Variants in MTO1 observed in about 807,000 individuals in gnomAD.
MTO1 encodes the protein mitochondrial tRNA translation optimization 1.
MTO1 carries 46 observed loss-of-function variants against 71.6 expected under a neutral mutation model. The ratio of observed to expected loss-of-function variants is 0.64; its 90% CI spans 0.51 to 0.82. MTO1 has a LOEUF of 0.82. Ranked by LOEUF, MTO1 falls within the 40% of genes least tolerant of loss-of-function variation. The pLI, the probability that MTO1 is intolerant of heterozygous loss-of-function variation, is 0.00. For missense variants in MTO1, 773 were observed against 867.5 expected, an observed-to-expected ratio of 0.89 and a Z score of 1.37; for synonymous variants, 297 against 312.1, an observed-to-expected ratio of 0.95 and a Z score of 0.51.
At position 73,503,558 on chromosome 6, in the gene MTO1, A is replaced by C. The variant is rs1001858600; in HGVS notation, c.*2823A>C. ...CTAGGAAGAAATCAGCTAAAAATGTAACCTTACTCAATGTAGTTACTTCAT... is the reference window on the plus strand; with the variant it reads ...CTAGGAAGAAATCAGCTAAAAATGTCACCTTACTCAATGTAGTTACTTCAT... On this transcript the variant is annotated 3_prime_UTR_variant, in exon 12 of 12. Transcript: ENST00000498286. 1 of 152,234 alleles carries C rather than the reference A, an allele frequency of 6.6e-6. No homozygotes were observed. Among genetic ancestry groups the C allele is most frequent in the African/African-American group, 2.4e-5 (1 of 41,454 alleles). 9.4% of individuals were successfully genotyped at this position (152,234 alleles called of 1,614,324 possible).
chr6:73,500,576 C>G lies in MTO1; in HGVS notation c.1920C>G (p.Ile640Met), dbSNP rs201198672. 6.5e-5 allele frequency: 104 copies of G among 1,609,086 alleles called. No homozygotes were observed. Among genetic ancestry groups the G allele is most frequent in the Non-Finnish European group, 5.6e-5 (66 of 1,178,318 alleles). ...TCTCTTGTGGTATTGATTTTTAGAT[C>G]GGGGCTGCTAGTCGCATACCCGGAG... ...EKLHFSRPQT[I>M]GAASRIPGVT... Residue 640 changes from isoleucine (I) to methionine (M), a missense_variant and splice_region_variant, in exon 12 of 12, where the codon ATC becomes ATG. Transcript: ENST00000498286.
chr6:73,469,536 C>G (rs373915339), intron 3 of MTO1, among the ~76,000 whole-genome samples: 2 of 152,230 alleles, frequency 1.3e-5, no homozygotes, highest in African/African-American at 4.8e-5. Flanking sequence ...GCAAGAGAAT[C>G]GCTTGAACCC....
In MTO1 at chr6:73,480,739, G is replaced by A. The variant is rs772209676; in HGVS notation, c.1194G>A (p.Leu398=). The A allele has an allele frequency of 1.2e-6, 2 of 1,613,912 alleles. No individual in the cohort carries two copies. The highest frequency in any genetic ancestry group is 1.7e-6 in the Non-Finnish European group (2 of 1,179,922). Residue 398 remains leucine, a synonymous_variant, in exon 7 of 12, where the codon TTG becomes TTA. Coordinates refer to ENST00000498286, the MANE Select transcript of MTO1 (RefSeq NM_012123.4). ...RQITPSLETH[L]VQRLFFAGQI... ...TCACCCCTTCCTTGGAGACTCATTT[G>A]GTTCAACGACTCTTCTTTGCTGGAC...
chr6:73,480,831 A>G, intron 7 of MTO1, 26 bp downstream of exon 7: 1 of 1,609,792 alleles, frequency 6.2e-7, no homozygotes, highest in Non-Finnish European at 8.5e-7. Context: ...ATTAATGTAA[A>G]CTGAAAGGGA....
In MTO1 at chr6:73,497,856, A is replaced by G. The variant is rs1368525535; in HGVS notation, c.1877A>G (p.His626Arg). The G allele has an allele frequency of 1.2e-6, 2 of 1,613,204 alleles. No homozygotes were observed. The highest frequency in any genetic ancestry group is 1.7e-6 in the Non-Finnish European group (2 of 1,179,460). Residue 626 changes from histidine to arginine, a missense_variant, in exon 11 of 12, where the codon CAT (histidine) becomes CGT (arginine). By Grantham distance (29) the His-to-Arg change is conservative (BLOSUM62 0). Coordinates refer to ENST00000498286, the MANE Select transcript of MTO1 (RefSeq NM_012123.4). ...ACTATCAGGGATGTGTCTTTGTCCC[A>G]TGAAGTTCGAGAGAAACTACATTTT... is the stretch of plus-strand genomic sequence containing the variant. ...YLTIRDVSLS[H>R]EVREKLHFSR... is the part of the protein sequence containing the mutation.
At chr6:73,493,345 T>C (rs1771876783) in intron 10 of MTO1, among the ~76,000 whole-genome samples, 1 of 111,512 alleles carries the variant, frequency 9.0e-6, no homozygotes. Flanking sequence ...TTATTTGAAA[T>C]GTGCATGTAT....
At chr6:73,490,349 C>G (rs1249074722) in intron 9 of MTO1, among the ~76,000 whole-genome samples, 2 of 152,152 alleles carry the variant, frequency 1.3e-5, no homozygotes, top group African/African-American at 4.8e-5. Context: ...GTGTTTTATT[C>G]ATGAAGTCCT....
At chr6:73,470,628 A>G (rs1009837885) in intron 3 of MTO1, among the ~76,000 whole-genome samples, 1 of 152,186 alleles carries the variant, frequency 6.6e-6, no homozygotes, top group Non-Finnish European at 1.5e-5. Context: ...TACAAAAAGC[A>G]TATAGAGTGA....
chr6:73,462,237 G>C, intron 1 of MTO1, 166 bp downstream of exon 1: 3 of 708,926 alleles, frequency 4.2e-6, no homozygotes, highest in Non-Finnish European at 7.0e-6. Context: ...AGGCGGGCCA[G>C]GCCAGAACTC....
intron 9 of MTO1, among the ~76,000 whole-genome samples, chr6:73,484,353 A>G (rs539292486): frequency 6.6e-6 from 1 of 152,292 alleles, no homozygotes; most frequent in African/African-American, 2.4e-5. Flanking sequence ...AGATCAAGGC[A>G]CCAGCAGATT....
intron 3 of MTO1, among the ~76,000 whole-genome samples, chr6:73,472,823 CTAAATA>C (rs996752774): frequency 1.2e-4 from 19 of 152,058 alleles, no homozygotes; most frequent in African/African-American, 4.1e-4. Flanking sequence ...GTTGCATACT[CTAAATA>C]TATACAGTTT....
At chr6:73,464,261 T>C (rs1243674065) in intron 1 of MTO1, 1 of 152,106 alleles carries the variant, frequency 6.6e-6, no homozygotes, top group Non-Finnish European at 1.5e-5. Flanking sequence ...CCAGGAGTCT[T>C]CTATTTCAAA....
At chr6:73,471,346 ACTTT>A (rs1163993023) in intron 3 of MTO1, 24 of 375,778 alleles carry the variant, frequency 6.4e-5, no homozygotes, top group Middle Eastern at 6.5e-4. Flanking sequence ...TTCTCCCCCG[ACTTT>A]CTTTATTTTC....
At chr6:73,469,649 A>T (rs1004984356) in intron 3 of MTO1, among the ~76,000 whole-genome samples, 1 of 26,838 alleles carries the variant, frequency 3.7e-5, no homozygotes, top group Non-Finnish European at 1.1e-4. Context: ...GCGCTAAAAC[A>T]CTTAACTGGA....
Position 73,503,844 on chromosome 6 carries a change from C to T in MTO1, c.*3109C>T, listed in dbSNP as rs1270362920. On this transcript the variant is annotated 3_prime_UTR_variant, in exon 12 of 12. Coordinates refer to ENST00000498286, the MANE Select transcript of MTO1 (RefSeq NM_012123.4). ...CTTGAAAATGAAGTTCCTTTATAGC[C>T]AAGAGCTTAAATTTTGTTACTGATG... The T allele has an allele frequency of 6.6e-6, 1 of 152,160 alleles. No homozygotes were observed. 9.4% of individuals were successfully genotyped at this position (152,160 alleles called of 1,614,324 possible).
At position 73,491,444 on chromosome 6, in the gene MTO1, A is replaced by G. The variant is rs545332377; in HGVS notation, c.1638-790A>G. 1.1e-4 allele frequency among the ~76,000 whole-genome samples: 17 copies of G among 152,020 alleles called. No homozygotes were observed. In the East Asian group the frequency reaches 2.7e-3, roughly 24 times the overall value. On this transcript the variant is annotated intron_variant, in intron 9 of 11. Transcript: ENST00000498286. ...AGAAGAAAAAGACTTATGAACCCCTATATCATTTTTATCAGTTTGTTTTGC... is the reference window on the plus strand; with the variant it reads ...AGAAGAAAAAGACTTATGAACCCCTGTATCATTTTTATCAGTTTGTTTTGC...
chr6:73,477,509 C>A (rs1433214606), intron 4 of MTO1, among the ~76,000 whole-genome samples: 1 of 134,856 alleles, frequency 7.4e-6, no homozygotes, highest in Non-Finnish European at 1.6e-5. Context: ...TCCAAAGCAG[C>A]TTTTTTTTTT....
intron 1 of MTO1, among the ~76,000 whole-genome samples, chr6:73,462,997 G>C (rs1770872490): frequency 6.7e-6 from 1 of 150,340 alleles, no homozygotes; most frequent in South Asian, 2.1e-4. Context: ...ATTTTGTGAT[G>C]CCTTTTGGAA....
At chr6:73,497,157 C>CTTTTTTTTTTTTTTTTTTTTTTTT (rs765385743) in intron 10 of MTO1, among the ~76,000 whole-genome samples, 3 of 92,716 alleles carry the variant, frequency 3.2e-5, no homozygotes, top group African/African-American at 4.1e-5. Context: ...GAAGCAAATT[C>CTTTTTTTTTTTTTTTTTTTTTTTT]TTTTTTTTTT....
Sources: allele counts gnomAD v4.1 joint callset (sites outside exome capture counted in the v4.1 genomes callset), GRCh38; gene constraint gnomAD v4.1.1; transcripts MANE v1.5; gene names NCBI Gene and HGNC (gene_info 2026-07-23, HGNC 2026-07-21).